Variants in VPS13A observed in about 807,000 individuals in gnomAD.
The protein encoded by VPS13A is intermembrane lipid transfer protein VPS13A.
A neutral mutation model predicts 390.9 loss-of-function variants in VPS13A; 264 were observed. The ratio of observed to expected loss-of-function variants is 0.68; its 90% confidence interval spans 0.61 to 0.75. The LOEUF is 0.75. VPS13A is among the 30% of genes least tolerant of loss of function. The pLI is 0.00. For synonymous variants in VPS13A, 1,231 were observed against 1,227.1 expected (o/e 1.00, Z -0.07); for missense variants, 3,409 against 3,733.9 (o/e 0.91, Z 2.27).
intron 22 of VPS13A, among the ~76,000 whole-genome samples, chr9:77,257,085 A>T (rs1460964364): frequency 1.3e-5 from 2 of 151,804 alleles, no homozygotes; most frequent in Non-Finnish European, 2.9e-5. Context: ...TTCCTCCTTT[A>T]ATGGTGCCCT....
At position 77,421,297 on chromosome 9, in the gene VPS13A, T is replaced by C. The variant is rs1293883729; in HGVS notation, c.*5291T>C. ...GCTCAGTTGCCTGTTACACAGCCTCTGCCTTGGTTTTGTGTATTCTAAGAT... is the reference window on the plus strand; with the variant it reads ...GCTCAGTTGCCTGTTACACAGCCTCCGCCTTGGTTTTGTGTATTCTAAGAT... On this transcript the variant is annotated 3_prime_UTR_variant, in exon 72 of 72. Coordinates refer to ENST00000360280, the MANE Select transcript of VPS13A (RefSeq NM_033305.3). 6.6e-6 allele frequency: 1 copy of C among 152,250 alleles called. No individual in the cohort carries two copies. Among genetic ancestry groups the C allele is most frequent in the Non-Finnish European group, 1.5e-5 (1 of 68,046 alleles). 9.4% of individuals were successfully genotyped at this position (152,250 alleles called of 1,614,324 possible). A position where few individuals can be genotyped will look rare whatever the true frequency, so the allele number is the denominator to read the frequency against.
intron 68 of VPS13A, chr9:77,382,627 A>G (rs1833502030): frequency 6.9e-6 from 7 of 1,018,276 alleles, no homozygotes; most frequent in Admixed American, 5.7e-5. Context: ...CCAATTACAC[A>G]TGAAGAAGGA....
At chr9:77,258,127 C>G (rs530252640) in intron 22 of VPS13A, among the ~76,000 whole-genome samples, 1 of 152,280 alleles carries the variant, frequency 6.6e-6, no homozygotes, top group South Asian at 2.1e-4. Context: ...TAGTTTTAGA[C>G]TGTAGGTAGT....
At chr9:77,306,399 A>T (rs142830237) in intron 34 of VPS13A, among the ~76,000 whole-genome samples, 94 of 130,874 alleles carry the variant, frequency 7.2e-4, no homozygotes, top group African/African-American at 2.3e-3. Context: ...AGAGAGAGAG[A>T]GAGTGTGTGT....
At position 77,368,150 on chromosome 9, in the gene VPS13A, T is replaced by G. The variant is rs551148143; in HGVS notation, c.8553+14T>G. ...TATTCAAAACAGGTTTGTCTAAGATTATATTACAGAGGGACAGAGTGATAC... is the reference window on the plus strand; with the variant it reads ...TATTCAAAACAGGTTTGTCTAAGATGATATTACAGAGGGACAGAGTGATAC... On this transcript the variant is annotated intron_variant, in intron 62 of 71. Coordinates refer to ENST00000360280, the MANE Select transcript of VPS13A (RefSeq NM_033305.3). 6.9e-6 allele frequency: 11 copies of G among 1,601,754 alleles called. No individual in the cohort carries two copies. The highest frequency in any genetic ancestry group is 1.7e-4 in the Middle Eastern group (1 of 6,038).
intron 69 of VPS13A, among the ~76,000 whole-genome samples, chr9:77,405,597 CTTT>C (rs1421143543): frequency 6.6e-6 from 1 of 152,076 alleles, no homozygotes; most frequent in Non-Finnish European, 1.5e-5. Flanking sequence ...CTTTGAGATT[CTTT>C]GACCCCTGGA....
At chr9:77,210,773 T>A in intron 7 of VPS13A, 98 bp downstream of exon 7, 1 of 1,252,088 alleles carries the variant, frequency 8.0e-7, no homozygotes, top group East Asian at 2.3e-5. Flanking sequence ...AATAGGTGTC[T>A]ATGTAGAACG....
At chr9:77,309,937 G>A (rs574381802) in intron 35 of VPS13A, among the ~76,000 whole-genome samples, 1 of 151,922 alleles carries the variant, frequency 6.6e-6, no homozygotes, top group South Asian at 2.1e-4. Context: ...ATTGATTTTT[G>A]TTGTTTTTTA....
At chr9:77,294,466 C>G (rs542375848) in intron 32 of VPS13A, among the ~76,000 whole-genome samples, 1 of 152,168 alleles carries the variant, frequency 6.6e-6, no homozygotes, top group Admixed American at 6.5e-5. Flanking sequence ...AGTGTATGAA[C>G]TAGGTAATCA....
intron 10 of VPS13A, 132 bp from the exon 11 acceptor site, chr9:77,219,822 C>T (rs1259348741): frequency 2.3e-6 from 2 of 865,108 alleles, no homozygotes; most frequent in East Asian, 2.5e-5. Flanking sequence ...TGAACCATGG[C>T]AGTGTGAACA....
chr9:77,240,579 G>A (rs1429964247), intron 19 of VPS13A, among the ~76,000 whole-genome samples: 2 of 149,640 alleles, frequency 1.3e-5, no homozygotes, highest in African/African-American at 2.5e-5. Flanking sequence ...CCAGGTTCAA[G>A]CAATTTTTTT....
intron 6 of VPS13A, among the ~76,000 whole-genome samples, chr9:77,210,234 C>G (rs1416126950): frequency 3.5e-5 from 5 of 144,164 alleles, no homozygotes; most frequent in African/African-American, 1.3e-4. Flanking sequence ...CCTCCCCTCC[C>G]CTTGCCTCCC....
At chr9:77,402,760 A>G (rs1174578702) in intron 68 of VPS13A, among the ~76,000 whole-genome samples, 1 of 152,220 alleles carries the variant, frequency 6.6e-6, no homozygotes, top group Admixed American at 6.5e-5. Context: ...TCTGCTCTTT[A>G]TTTTTTACTA....
chr9:77,340,414 C>G lies in VPS13A; in HGVS notation c.6890C>G (p.Thr2297Ser). 1 of 1,613,174 alleles carries G rather than the reference C, an allele frequency of 6.2e-7. No individual in the cohort carries two copies. Among genetic ancestry groups the G allele is most frequent in the Non-Finnish European group, 8.5e-7 (1 of 1,179,602 alleles). The change falls in exon 50 of 72, where the codon ACT (threonine) becomes AGT (serine). Residue 2297 changes from threonine to serine, a missense_variant. Physicochemically the swap from Thr to Ser is moderately conservative, Grantham distance 58. This residue lies in a region of VPS13A where 2,717 missense variants were observed against 2,917.4 expected (regional missense o/e 0.93). Coordinates refer to ENST00000360280, the MANE Select transcript of VPS13A (RefSeq NM_033305.3). ...ATTTTTTTTTCTTAGGTTGGTGTCA[C>G]TATAGACCTGAGCAGTTTTAACATT... The part of the protein sequence containing the change: ...GLKMDYQVGV[T>S]IDLSSFNITR...
chr9:77,376,609 G>T (rs547660683), intron 67 of VPS13A, among the ~76,000 whole-genome samples: 3 of 152,176 alleles, frequency 2.0e-5, no homozygotes, highest in Admixed American at 2.0e-4. Context: ...GGAAGGGTGA[G>T]GTTGTCGTTC....
chr9:77,355,872 G>A (rs1184687467), intron 54 of VPS13A, among the ~76,000 whole-genome samples: 1 of 152,078 alleles, frequency 6.6e-6, no homozygotes, highest in Admixed American at 6.6e-5. Flanking sequence ...AGCCTCATCA[G>A]GGCCATCACC....
At chr9:77,347,435 G>A (rs945186935) in intron 52 of VPS13A, among the ~76,000 whole-genome samples, 4 of 152,032 alleles carry the variant, frequency 2.6e-5, no homozygotes, top group African/African-American at 9.7e-5. Context: ...ATCTATTTGA[G>A]TAGATTTTTA....
At chr9:77,193,048 T>G (rs192392932) in intron 1 of VPS13A, among the ~76,000 whole-genome samples, 1 of 152,228 alleles carries the variant, frequency 6.6e-6, no homozygotes, top group East Asian at 1.9e-4. Context: ...GAAAAGTTAT[T>G]TTTCCTTTAT....
At chr9:77,361,834 C>G (rs1170334817) in intron 59 of VPS13A, among the ~76,000 whole-genome samples, 2 of 152,022 alleles carry the variant, frequency 1.3e-5, no homozygotes, top group Non-Finnish European at 2.9e-5. Flanking sequence ...TTGATTCTAG[C>G]AATCATAATG....
Sources: gnomAD v4.1 joint callset for allele counts (sites outside exome capture counted in the v4.1 genomes callset) on GRCh38, gnomAD v4.1.1 for gene constraint, gnomAD v4.1.1 regional missense constraint, MANE v1.5 for transcripts, NCBI Gene and HGNC (gene_info 2026-07-23, HGNC 2026-07-21) for gene names.